NALF1: variants seen among roughly 807,000 people sequenced by gnomAD.
NALF1 encodes NALCN channel auxiliary factor 1.
Under a neutral mutation model 48.4 loss-of-function variants are expected in NALF1, and 3 were observed. That is an observed-to-expected ratio of 0.06 (90% CI 0.03 to 0.16). The LOEUF (loss-of-function observed/expected upper bound fraction) is 0.16, where lower values mean the gene tolerates loss of function less well. Ranked by LOEUF, NALF1 falls within the 10% of genes least tolerant of loss-of-function variation. The probability of loss-of-function intolerance (pLI) is 1.00; values close to 1 mark genes in which losing one functional copy is unlikely to be tolerated. For synonymous variants in NALF1, 262 were observed against 245.7 expected (o/e 1.07, Z -0.62); for missense variants, 526 against 571.5 (o/e 0.92, Z 0.81).
intron 1 of NALF1, among the ~76,000 whole-genome samples, chr13:107,630,403 G>C (rs1019541502): frequency 6.6e-6 from 1 of 152,042 alleles, no homozygotes; most frequent in Admixed American, 6.6e-5. Flanking sequence ...ATCCCCACCT[G>C]ACTGGGAAAA....
chr13:107,459,957 G>A (rs1466286409), intron 1 of NALF1, among the ~76,000 whole-genome samples: 1 of 152,064 alleles, frequency 6.6e-6, no homozygotes, highest in Non-Finnish European at 1.5e-5. Context: ...GCCCAAACTG[G>A]TCACAAACTC....
At chr13:107,403,138 C>A (rs1883837271) in intron 1 of NALF1, among the ~76,000 whole-genome samples, 1 of 140,642 alleles carries the variant, frequency 7.1e-6, no homozygotes, top group Non-Finnish European at 1.5e-5. Context: ...AGTGTCCACA[C>A]TTGACCCCAC....
intron 1 of NALF1, among the ~76,000 whole-genome samples, chr13:107,774,099 T>A (rs1008243715): frequency 1.3e-5 from 2 of 152,320 alleles, no homozygotes; most frequent in East Asian, 3.9e-4. Flanking sequence ...TACTTTTTTA[T>A]GAAGGTGAGA....
At chr13:107,171,568 TC>T (rs1375764950) in intron 2 of NALF1, among the ~76,000 whole-genome samples, 1 of 152,214 alleles carries the variant, frequency 6.6e-6, no homozygotes, top group Non-Finnish European at 1.5e-5. Flanking sequence ...AACTCTTCCT[TC>T]CCTTTTTGTC....
chr13:107,429,061 G>A (rs1034601594), intron 1 of NALF1, among the ~76,000 whole-genome samples: 2 of 152,102 alleles, frequency 1.3e-5, no homozygotes, highest in African/African-American at 4.8e-5. Context: ...GGTGGCTCAC[G>A]CCTGTAATCC....
intron 1 of NALF1, among the ~76,000 whole-genome samples, chr13:107,336,394 A>AGT (rs1882557250): frequency 9.9e-6 from 1 of 100,676 alleles, no homozygotes; most frequent in South Asian, 2.6e-4. Flanking sequence ...ATAATAATAA[A>AGT]AAATCTAATA....
chr13:107,655,991 C>A (rs949265925), intron 1 of NALF1, among the ~76,000 whole-genome samples: 32 of 152,088 alleles, frequency 2.1e-4, no homozygotes, highest in African/African-American at 7.5e-4. Context: ...TCATCTCTCA[C>A]CTTATACAAA....
intron 1 of NALF1, among the ~76,000 whole-genome samples, chr13:107,669,702 T>C (rs1880947222): frequency 6.6e-6 from 1 of 152,142 alleles, no homozygotes; most frequent in African/African-American, 2.4e-5. Context: ...TCTGTTGATG[T>C]TCATGTGCTC....
intron 1 of NALF1, among the ~76,000 whole-genome samples, chr13:107,344,663 G>A (rs922022031): frequency 2.6e-5 from 4 of 151,950 alleles, no homozygotes; most frequent in African/African-American, 4.8e-5. Flanking sequence ...CTAACTAAGC[G>A]TAGAAGAAAA....
At chr13:107,699,319 C>T (rs1358455575) in intron 1 of NALF1, among the ~76,000 whole-genome samples, 1 of 151,960 alleles carries the variant, frequency 6.6e-6, no homozygotes, top group Non-Finnish European at 1.5e-5. Context: ...GAGAACTGGA[C>T]TCTGTTTTGA....
intron 1 of NALF1, among the ~76,000 whole-genome samples, chr13:107,688,864 A>G (rs1231971376): frequency 6.6e-6 from 1 of 152,204 alleles, no homozygotes; most frequent in Non-Finnish European, 1.5e-5. Context: ...GGGTCAGGTG[A>G]CCGAAATGCA....
At chr13:107,251,278 A>G (rs1880694998) in intron 1 of NALF1, among the ~76,000 whole-genome samples, 1 of 152,208 alleles carries the variant, frequency 6.6e-6, no homozygotes, top group Non-Finnish European at 1.5e-5. Flanking sequence ...CCCCCTCATT[A>G]TTAGATGGAG....
chr13:107,192,842 A>G lies in NALF1; in HGVS notation c.1087+17742T>C, dbSNP rs910363597. ...AAACTTTTTGAATTTTTGGCAATAAATATCAAAAGGCTTAAGCTTTTGCAT... is the reference window on the plus strand; with the variant it reads ...AAACTTTTTGAATTTTTGGCAATAAGTATCAAAAGGCTTAAGCTTTTGCAT... On this transcript the variant is annotated intron_variant, in intron 2 of 2. Coordinates refer to ENST00000375915, the MANE Select transcript of NALF1 (RefSeq NM_001080396.3). 2.6e-5 allele frequency among the ~76,000 whole-genome samples: 4 copies of G among 152,210 alleles called. No homozygotes were observed. The South Asian group carries it at 6.2e-4, about 24-fold the overall frequency.
At chr13:107,231,296 C>T (rs1186360684) in intron 1 of NALF1, among the ~76,000 whole-genome samples, 1 of 152,070 alleles carries the variant, frequency 6.6e-6, no homozygotes, top group Non-Finnish European at 1.5e-5. Flanking sequence ...CGTATTTCCT[C>T]AGTTATTTGC....
chr13:107,866,589 C>A lies in NALF1; in HGVS notation c.8G>T (p.Arg3Met), dbSNP rs555804749. The A allele has an allele frequency of 6.2e-7, 1 of 1,604,822 alleles. No homozygotes were observed. Among genetic ancestry groups the A allele is most frequent in the African/African-American group, 1.3e-5 (1 of 74,906 alleles). Residue 3 changes from arginine (R) to methionine (M), a missense_variant, in exon 1 of 3, where the codon AGG becomes ATG. Transcript: ENST00000375915. This position sits in a 1 kb window ranked among gnomAD's most constrained non-coding sequence, Gnocchi z 4.4. ...ATACTGCCGACACATCCAAGCACCC[C>A]TGGTCATATTTTGGGAACGCACAGC... MT[R>M]GAWMCRQYDD...
At chr13:107,646,094 C>T (rs1159901148) in intron 1 of NALF1, among the ~76,000 whole-genome samples, 1 of 152,138 alleles carries the variant, frequency 6.6e-6, no homozygotes, top group Non-Finnish European at 1.5e-5. Context: ...CCTTCTAGCA[C>T]TGACCAGTCA....
intron 1 of NALF1, among the ~76,000 whole-genome samples, chr13:107,633,327 T>A (rs1879882932): frequency 6.6e-6 from 1 of 152,056 alleles, no homozygotes; most frequent in South Asian, 2.1e-4. Context: ...AACTCATAGA[T>A]AATTGCTGAC....
intron 1 of NALF1, among the ~76,000 whole-genome samples, chr13:107,644,796 A>C (rs1009580898): frequency 3.3e-5 from 5 of 151,890 alleles, no homozygotes; most frequent in Admixed American, 2.0e-4. Flanking sequence ...GTACAGAAAG[A>C]AAAGTGAACA....
At chr13:107,632,489 C>T (rs564168261) in intron 1 of NALF1, among the ~76,000 whole-genome samples, 36 of 152,016 alleles carry the variant, frequency 2.4e-4, no homozygotes, top group Non-Finnish European at 4.1e-4. Flanking sequence ...AATAACACTC[C>T]CAACCTCTAT....
Sources: allele counts gnomAD v4.1 joint callset (sites outside exome capture counted in the v4.1 genomes callset), GRCh38; gene constraint gnomAD v4.1.1; non-coding constraint Gnocchi (gnomAD v3.1); transcripts MANE v1.5; gene names NCBI Gene and HGNC (gene_info 2026-07-23, HGNC 2026-07-21).